Variants in CPQ observed in about 807,000 individuals in gnomAD.
CPQ encodes the protein Ser-Met dipeptidase.
Under a neutral mutation model 45.7 loss-of-function variants are expected in CPQ, and 37 were observed. The observed-to-expected ratio is 0.81, with a 90% CI of 0.62 to 1.07. The LOEUF is 1.07. Among genes scored for constraint, CPQ ranks in the 50% least tolerant of loss-of-function variants. The pLI is 0.00. For missense variants in CPQ, 537 were observed against 572.9 expected (o/e 0.94, Z 0.64); for synonymous variants, 186 against 205.8 (o/e 0.90, Z 0.82).
At chr8:96,902,663 T>C (rs1199994970) in intron 4 of CPQ, among the ~76,000 whole-genome samples, 1 of 152,170 alleles carries the variant, frequency 6.6e-6, no homozygotes, top group South Asian at 2.1e-4. Context: ...ACTATGTATC[T>C]CGGTCAGCAA....
chr8:96,727,585 C>T (rs1254037985), intron 1 of CPQ, among the ~76,000 whole-genome samples: 2 of 152,204 alleles, frequency 1.3e-5, no homozygotes, highest in Non-Finnish European at 2.9e-5. Flanking sequence ...CCCTAGCTTG[C>T]ACCTACATGT....
intron 1 of CPQ, among the ~76,000 whole-genome samples, chr8:96,783,401 C>T (rs1810717939): frequency 6.6e-6 from 1 of 152,054 alleles, no homozygotes; most frequent in Non-Finnish European, 1.5e-5. Flanking sequence ...TGAGGGTCTT[C>T]TTGCCACATC....
intron 5 of CPQ, among the ~76,000 whole-genome samples, chr8:97,014,077 G>A (rs1389532308): frequency 6.6e-6 from 1 of 152,266 alleles, no homozygotes; most frequent in East Asian, 1.9e-4. Flanking sequence ...TGCAGCCAGT[G>A]ACATGTTCAA....
At chr8:96,752,537 T>TG (rs1213273870) in intron 1 of CPQ, among the ~76,000 whole-genome samples, 1 of 152,162 alleles carries the variant, frequency 6.6e-6, no homozygotes. Flanking sequence ...GCTGAGACGA[T>TG]GGGGTTTTCT....
Position 97,029,453 on chromosome 8 carries a change from C to A in CPQ, c.1012C>A (p.Gln338Lys), listed in dbSNP as rs1484548015. The A allele has an allele frequency of 6.2e-7, 1 of 1,609,984 alleles. No homozygotes were observed. Among genetic ancestry groups the A allele is most frequent in the African/African-American group, 1.3e-5 (1 of 74,988 alleles). The change falls in exon 6 of 8, where the codon CAA becomes AAA. Residue 338 changes from glutamine (Q) to lysine (K), a missense_variant. Gln to Lys is a moderately conservative substitution (Grantham distance 53). Coordinates refer to ENST00000220763, the MANE Select transcript of CPQ (RefSeq NM_016134.4). ...GCTGGTGCTCTGGACTGCAGAAGAA[C>A]AAGGTGGAGTTGGTGCCTTCCAGTA... The part of the protein sequence containing the change: ...LRLVLWTAEE[Q>K]GGVGAFQYYQ...
intron 3 of CPQ, among the ~76,000 whole-genome samples, chr8:96,854,077 A>G (rs1380853173): frequency 6.6e-6 from 1 of 152,202 alleles, no homozygotes; most frequent in Non-Finnish European, 1.5e-5. Context: ...GACACATCAC[A>G]TTAGCAGATG....
intron 2 of CPQ, among the ~76,000 whole-genome samples, chr8:96,811,675 T>C (rs1023147649): frequency 1.3e-5 from 2 of 152,208 alleles, no homozygotes; most frequent in Admixed American, 1.3e-4. Flanking sequence ...CCAGGTAATT[T>C]ATACCTATAT....
At chr8:96,696,270 A>C (rs1809380435) in intron 1 of CPQ, among the ~76,000 whole-genome samples, 1 of 150,910 alleles carries the variant, frequency 6.6e-6, no homozygotes, top group Non-Finnish European at 1.5e-5. Context: ...GAAGGGGAAC[A>C]TCACACTCTG....
At chr8:96,727,343 G>A (rs929033817) in intron 1 of CPQ, among the ~76,000 whole-genome samples, 1 of 152,136 alleles carries the variant, frequency 6.6e-6, no homozygotes, top group Admixed American at 6.6e-5. Context: ...ACACATCTGA[G>A]GGTGTCTCAC....
chr8:96,981,189 C>T (rs1813890202), intron 5 of CPQ, among the ~76,000 whole-genome samples: 1 of 152,170 alleles, frequency 6.6e-6, no homozygotes, highest in South Asian at 2.1e-4. Context: ...ATAGTCACAA[C>T]ACCACAATTT....
At chr8:97,067,608 A>T (rs771946744) in intron 7 of CPQ, among the ~76,000 whole-genome samples, 6 of 152,200 alleles carry the variant, frequency 3.9e-5, no homozygotes, top group Non-Finnish European at 8.8e-5. Context: ...TTCTTGCAAT[A>T]CTGCAGATTT....
intron 7 of CPQ, 86 bp from the exon 8 acceptor site, chr8:97,142,934 G>T: frequency 2.3e-6 from 3 of 1,317,024 alleles, no homozygotes; most frequent in Non-Finnish European, 3.2e-6. Context: ...TATAATAGGA[G>T]CAGGCAAAAG....
chr8:97,084,559 T>C (rs1811009172), intron 7 of CPQ, among the ~76,000 whole-genome samples: 2 of 152,210 alleles, frequency 1.3e-5, no homozygotes, highest in Admixed American at 1.3e-4. Context: ...ATGTGCTAAG[T>C]GGAAGCTGTG....
chr8:96,688,014 T>C (rs1809254981), intron 1 of CPQ, among the ~76,000 whole-genome samples: 1 of 152,100 alleles, frequency 6.6e-6, no homozygotes, highest in Non-Finnish European at 1.5e-5. Context: ...TTTTTGCTTA[T>C]TCTGTCATGT....
intron 4 of CPQ, among the ~76,000 whole-genome samples, chr8:96,931,951 C>G (rs1216127182): frequency 6.7e-6 from 1 of 149,782 alleles, no homozygotes; most frequent in Non-Finnish European, 1.5e-5. Flanking sequence ...TCAGCAACTT[C>G]CCCAGGGAGA....
At chr8:96,943,932 T>G (rs1813155149) in intron 4 of CPQ, among the ~76,000 whole-genome samples, 2 of 152,172 alleles carry the variant, frequency 1.3e-5, no homozygotes, top group South Asian at 2.1e-4. Context: ...AAGATCTTAC[T>G]GCAGAAATTA....
At chr8:96,760,491 GTGATGTTTTAAGGGCTAATGT>G (rs925732606) in intron 1 of CPQ, among the ~76,000 whole-genome samples, 2 of 152,124 alleles carry the variant, frequency 1.3e-5, no homozygotes, top group South Asian at 2.1e-4. Flanking sequence ...GGGCTCAGTG[GTGATGTTTTAAGGGCTAATGT>G]TGATGTTTTA....
chr8:97,027,289 G>A (rs1435532261), intron 5 of CPQ, among the ~76,000 whole-genome samples: 1 of 151,722 alleles, frequency 6.6e-6, no homozygotes, highest in East Asian at 1.9e-4. Flanking sequence ...AGCAAGTAGT[G>A]GGCACTCTAG....
intron 4 of CPQ, among the ~76,000 whole-genome samples, chr8:96,881,968 G>T (rs894818027): frequency 1.3e-5 from 2 of 152,178 alleles, no homozygotes; most frequent in African/African-American, 4.8e-5. Context: ...ATGTTATTTA[G>T]AAATTTCAGA....
Sources: gnomAD v4.1 joint callset for allele counts (sites outside exome capture counted in the v4.1 genomes callset) on GRCh38, gnomAD v4.1.1 for gene constraint, MANE v1.5 for transcripts, NCBI Gene and HGNC (gene_info 2026-07-23, HGNC 2026-07-21) for gene names.